PTPRT: variants seen among roughly 807,000 people sequenced by gnomAD.
The protein encoded by PTPRT is receptor-type tyrosine-protein phosphatase T.
A neutral mutation model predicts 176.8 loss-of-function variants in PTPRT; 56 were observed. The observed-to-expected ratio is 0.32, with a 90% CI of 0.26 to 0.40. The LOEUF is 0.40. Among genes scored for constraint, PTPRT ranks in the 10% least tolerant of loss-of-function variants. The pLI is 1.00. For missense variants in PTPRT, 1,540 were observed against 1,908.2 expected, an observed-to-expected ratio of 0.81 and a Z score of 3.60; for synonymous variants, 783 against 739.0, an observed-to-expected ratio of 1.06 and a Z score of -0.96.
At chr20:42,488,116 G>A (rs1453794866) in intron 7 of PTPRT, among the ~76,000 whole-genome samples, 2 of 152,156 alleles carry the variant, frequency 1.3e-5, no homozygotes, top group African/African-American at 2.4e-5. Context: ...GTTCTGGGGT[G>A]TGTTCTCTCC....
chr20:42,146,461 T>G (rs925361013), intron 17 of PTPRT, among the ~76,000 whole-genome samples: 17 of 152,234 alleles, frequency 1.1e-4, no homozygotes, highest in African/African-American at 4.1e-4. Flanking sequence ...GGTCTCTTTA[T>G]GACTGCACAT....
At chr20:42,751,633 C>T (rs1358011503) in intron 6 of PTPRT, among the ~76,000 whole-genome samples, 5 of 152,122 alleles carry the variant, frequency 3.3e-5, no homozygotes, top group South Asian at 2.1e-4. Flanking sequence ...TAGAAAAAGC[C>T]GGCAGAAGAA....
chr20:42,630,693 T>C (rs1569033982), intron 7 of PTPRT, among the ~76,000 whole-genome samples: 1 of 152,170 alleles, frequency 6.6e-6, no homozygotes, highest in Non-Finnish European at 1.5e-5. Context: ...CAAATCCTGA[T>C]ACACAGGGAA....
At chr20:42,785,771 C>A (rs987724237) in intron 3 of PTPRT, among the ~76,000 whole-genome samples, 4 of 152,150 alleles carry the variant, frequency 2.6e-5, no homozygotes, top group Non-Finnish European at 5.9e-5. Context: ...ACAACACTGG[C>A]TATTTCTTTT....
chr20:43,050,891 G>T (rs910796414), intron 1 of PTPRT, among the ~76,000 whole-genome samples: 1 of 152,184 alleles, frequency 6.6e-6, no homozygotes. Context: ...TCTCCTGGGT[G>T]CACTGATAGG....
chr20:42,151,461 T>C (rs1283481966), intron 17 of PTPRT, among the ~76,000 whole-genome samples: 1 of 152,212 alleles, frequency 6.6e-6, no homozygotes, highest in African/African-American at 2.4e-5. Flanking sequence ...TCCATGTCCC[T>C]GCAAAGGACA....
chr20:42,164,762 C>G lies in PTPRT; in HGVS notation c.2492-3220G>C, dbSNP rs569929112. On this transcript the variant is annotated intron_variant, in intron 16 of 30. Coordinates refer to ENST00000373187, the MANE Select transcript of PTPRT (RefSeq NM_007050.6). Reference sequence around the variant, plus strand: ...TATGATGTTCCTGTTCAAGAGGGAGCCTTAAAACTAATGTGCGATTCTGCT... The same window carrying G: ...TATGATGTTCCTGTTCAAGAGGGAGGCTTAAAACTAATGTGCGATTCTGCT... Among the ~76,000 whole-genome samples the G allele has an allele frequency of 3.3e-5, 5 of 152,258 alleles. No homozygotes were observed. In the South Asian group the frequency reaches 1.0e-3, roughly 32 times the overall value.
intron 9 of PTPRT, among the ~76,000 whole-genome samples, chr20:42,441,891 C>T (rs1000985511): frequency 2.0e-5 from 3 of 152,226 alleles, no homozygotes; most frequent in African/African-American, 7.2e-5. Context: ...TCCTAATTAA[C>T]GTAGATCCAG....
chr20:42,217,202 C>G (rs964590798), intron 15 of PTPRT, among the ~76,000 whole-genome samples: 1 of 151,940 alleles, frequency 6.6e-6, no homozygotes, highest in Non-Finnish European at 1.5e-5. Context: ...GGCGAAATCC[C>G]GTCTCTACTA....
At chr20:42,230,266 C>T (rs1440247053) in intron 15 of PTPRT, among the ~76,000 whole-genome samples, 2 of 152,300 alleles carry the variant, frequency 1.3e-5, no homozygotes, top group Admixed American at 6.5e-5. Flanking sequence ...TTTTCTGCCT[C>T]GGAGACATCT....
chr20:43,024,082 G>A (rs1292014685), intron 1 of PTPRT, among the ~76,000 whole-genome samples: 3 of 152,058 alleles, frequency 2.0e-5, no homozygotes, highest in Admixed American at 2.0e-4. Flanking sequence ...TATGAGCACC[G>A]TATCCAAGGC....
intron 11 of PTPRT, among the ~76,000 whole-genome samples, chr20:42,345,006 C>T (rs1168639083): frequency 1.3e-5 from 2 of 152,118 alleles, no homozygotes; most frequent in Non-Finnish European, 2.9e-5. Context: ...CTCCCAGCTT[C>T]TGAGCTCACC....
At chr20:42,190,240 A>G (rs1007125600) in intron 16 of PTPRT, among the ~76,000 whole-genome samples, 1 of 152,146 alleles carries the variant, frequency 6.6e-6, no homozygotes, top group Admixed American at 6.5e-5. Context: ...TGCTCTGTTG[A>G]GCTCTCGATT....
chr20:42,438,551 TCA>T (rs2059283822), intron 9 of PTPRT, among the ~76,000 whole-genome samples: 1 of 152,192 alleles, frequency 6.6e-6, no homozygotes, highest in South Asian at 2.1e-4. Flanking sequence ...GATGAAAGCT[TCA>T]CACAGACATG....
chr20:42,804,565 GGTT>G, intron 2 of PTPRT, among the ~76,000 whole-genome samples: 2 of 152,360 alleles, frequency 1.3e-5, no homozygotes, highest in African/African-American at 4.8e-5. Context: ...GAGCTGAATG[GGTT>G]CCCTGAAGCC....
Position 42,472,452 on chromosome 20 carries a change from G to T in PTPRT, c.1264C>A (p.Leu422Ile). The change falls in exon 8 of 31, where the codon CTC becomes ATC. Residue 422 changes from leucine to isoleucine, a missense_variant. Physicochemically the swap from Leu to Ile is conservative, Grantham distance 5 (BLOSUM62 2). Around this residue, in one of 11 missense-constraint regions of PTPRT, gnomAD observed 79 missense variants for 80.0 expected, o/e 0.99. Coordinates refer to ENST00000373187, the MANE Select transcript of PTPRT (RefSeq NM_007050.6). ...YAVTRCHSYN[L>I]TVQYQYVFNQ... The stretch of plus-strand genomic sequence containing the variant: ...AACACATACTGGTACTGCACGGTGA[G>T]GTTGTAGCTATGGCAGCGGGTCACC... 6.2e-7 allele frequency: 1 copy of T among 1,614,258 alleles called. No individual in the cohort carries two copies. The highest frequency in any genetic ancestry group is 8.5e-7 in the Non-Finnish European group (1 of 1,180,042).
intron 11 of PTPRT, among the ~76,000 whole-genome samples, chr20:42,320,653 GGAGT>G (rs1350230917): frequency 6.6e-6 from 1 of 152,168 alleles, no homozygotes; most frequent in East Asian, 1.9e-4. Flanking sequence ...AACTAGTAAA[GGAGT>G]GAGAGAAAAT....
At chr20:42,172,348 G>C (rs1331285297) in intron 16 of PTPRT, among the ~76,000 whole-genome samples, 1 of 152,054 alleles carries the variant, frequency 6.6e-6, no homozygotes, top group Non-Finnish European at 1.5e-5. Flanking sequence ...AAATGATTAA[G>C]GAAAAAAGAC....
chr20:42,046,795 G>GTGTGTGTGTA, the PTPRT span, among the ~76,000 whole-genome samples: 1 of 151,976 alleles, frequency 6.6e-6, no homozygotes, highest in Admixed American at 6.6e-5. Flanking sequence ...GTGTGTGTGT[G>GTGTGTGTGTA]TCTGTGTCTG....
Sources: gnomAD v4.1 joint callset for allele counts (sites outside exome capture counted in the v4.1 genomes callset) on GRCh38, gnomAD v4.1.1 for gene constraint, gnomAD v4.1.1 regional missense constraint, MANE v1.5 for transcripts, NCBI Gene and HGNC (gene_info 2026-07-23, HGNC 2026-07-21) for gene names.